The following PPFIA1 variants were observed in gnomAD, a reference collection of about 807,000 sequenced individuals.
PPFIA1 encodes PPFI scaffold protein A1.
In PPFIA1, 25 loss-of-function variants were observed where a neutral mutation model predicts 149.9. That is an observed-to-expected ratio of 0.17 (90% CI 0.12 to 0.23). PPFIA1 has a LOEUF of 0.23. Ranked by LOEUF, PPFIA1 falls within the 10% of genes least tolerant of loss-of-function variation. The pLI, the probability that PPFIA1 is intolerant of heterozygous loss-of-function variation, is 1.00. For missense variants in PPFIA1, 1,362 were observed against 1,506.5 expected (o/e 0.90, Z 1.59); for synonymous variants, 549 against 552.8 (o/e 0.99, Z 0.10).
chr11:70,283,963 A>G (rs1239164834), intron 2 of PPFIA1: 3 of 529,624 alleles, frequency 5.7e-6, no homozygotes, highest in Admixed American at 4.0e-5. Flanking sequence ...AGCTTTTCTC[A>G]AGTATTGCTG....
chr11:70,278,774 A>C, intron 2 of PPFIA1: 1 of 337,856 alleles, frequency 3.0e-6, no homozygotes, highest in Non-Finnish European at 5.8e-6. Context: ...AAGCTAATTA[A>C]ACTTCCAACT....
Position 70,330,293 on chromosome 11 carries a change from G to A in PPFIA1, c.1051G>A (p.Ala351Thr), listed in dbSNP as rs2054576144. 2 of 1,585,058 alleles carry A rather than the reference G, an allele frequency of 1.3e-6. No homozygotes were observed. Among genetic ancestry groups the A allele is most frequent in the African/African-American group, 2.7e-5 (2 of 73,348 alleles). Residue 351 changes from alanine to threonine, a missense_variant, in exon 8 of 28, where the codon GCA becomes ACA. Physicochemically the swap from Ala to Thr is moderately conservative, Grantham distance 58. Coordinates refer to ENST00000253925, the MANE Select transcript of PPFIA1 (RefSeq NM_003626.5). ...DLNDKLENEI[A>T]NKDSMHRQTE... ...CAATGATAAACTTGAAAATGAAATT[G>A]CAAATAAAGATTCTATGCATCGACA... is the stretch of plus-strand genomic sequence containing the variant.
chr11:70,285,795 T>C (rs2051072622), intron 2 of PPFIA1, among the ~76,000 whole-genome samples: 1 of 152,174 alleles, frequency 6.6e-6, no homozygotes, highest in African/African-American at 2.4e-5. Flanking sequence ...TACATAATGT[T>C]TATGTATATA....
At chr11:70,284,432 C>G (rs1430746652) in intron 2 of PPFIA1, among the ~76,000 whole-genome samples, 1 of 152,196 alleles carries the variant, frequency 6.6e-6, no homozygotes, top group African/African-American at 2.4e-5. Flanking sequence ...GAGACAGAGT[C>G]CTTCCTCCTA....
Position 70,354,372 on chromosome 11 carries a change from C to T in PPFIA1, c.2235C>T (p.Ser745=). The T allele has an allele frequency of 6.2e-7, 1 of 1,614,130 alleles. No individual in the cohort carries two copies. Among genetic ancestry groups the T allele is most frequent in the Non-Finnish European group, 8.5e-7 (1 of 1,180,022 alleles). The change falls in exon 17 of 28, where the codon TCC becomes TCT. Residue 745 remains serine (S), a synonymous_variant. Coordinates refer to ENST00000253925, the MANE Select transcript of PPFIA1 (RefSeq NM_003626.5). ...TIKCETSPPS[S]PRALRLDRLH... The stretch of plus-strand genomic sequence containing the variant: ...AGTGTGAAACCTCCCCGCCTTCCTC[C>T]CCGAGAGCCCTTCGGTTAGACCGGC...
chr11:70,290,957 C>T (rs2136207572), intron 2 of PPFIA1, among the ~76,000 whole-genome samples: 1 of 152,314 alleles, frequency 6.6e-6, no homozygotes, highest in African/African-American at 2.4e-5. Context: ...ACAATCTTGG[C>T]TTACTGCAAC....
chr11:70,325,684 C>T, intron 5 of PPFIA1, 110 bp downstream of exon 5: 2 of 834,750 alleles, frequency 2.4e-6, no homozygotes, highest in Non-Finnish European at 3.9e-6. Flanking sequence ...GTCATCCCAG[C>T]ACTTTGGGAG....
chr11:70,339,261 C>A lies in PPFIA1; in HGVS notation c.1662C>A (p.Arg554=). 6.2e-7 allele frequency: 1 copy of A among 1,614,130 alleles called. No individual in the cohort carries two copies. Among genetic ancestry groups the A allele is most frequent in the Non-Finnish European group, 8.5e-7 (1 of 1,179,968 alleles). The change falls in exon 14 of 28, where the codon CGC becomes CGA. Residue 554 remains arginine, a synonymous_variant. Transcript: ENST00000253925. ...DSYSTSAVLR[R]PQKGRLAALR... ...ACAGCACCAGTGCAGTGCTGCGGCG[C>A]CCACAGAAAGGCCGGCTGGCAGCCC...
chr11:70,346,577 A>G (rs1230368445), intron 15 of PPFIA1, among the ~76,000 whole-genome samples: 1 of 152,174 alleles, frequency 6.6e-6, no homozygotes, highest in East Asian at 1.9e-4. Context: ...GTTGCCAGGC[A>G]TGGGGGCCCT....
In PPFIA1 at chr11:70,320,809, G is replaced by T. The variant is rs370813838; in HGVS notation, c.265-3593G>T. On this transcript the variant is annotated intron_variant, in intron 2 of 27. Transcript: ENST00000253925. ...GCAATTCTCTGCTATACAGATTGGG[G>T]CTCTACTGGCAGTTGTGGTCCTAGG... Among the ~76,000 whole-genome samples, 12 of 152,258 alleles carry T rather than the reference G, an allele frequency of 7.9e-5. No homozygotes were observed. The South Asian group carries it at 2.5e-3, about 32-fold the overall frequency.
intron 18 of PPFIA1, 35 bp downstream of exon 18, chr11:70,355,846 G>A: frequency 6.3e-7 from 1 of 1,581,978 alleles, no homozygotes; most frequent in Non-Finnish European, 8.6e-7. Context: ...TCAGCACCCA[G>A]GGGTCGGGGA....
In PPFIA1 at chr11:70,372,223, C is replaced by T. The variant is rs1232544010; in HGVS notation, c.2874C>T (p.Ala958=). The T allele has an allele frequency of 1.2e-6, 2 of 1,612,782 alleles. No homozygotes were observed. The highest frequency in any genetic ancestry group is 2.7e-5 in the African/African-American group (2 of 74,856). The change falls in exon 22 of 28, where the codon GCC becomes GCT. Residue 958 remains alanine (A), a synonymous_variant. Coordinates refer to ENST00000253925, the MANE Select transcript of PPFIA1 (RefSeq NM_003626.5). ...CCATTTATGAAAAGCAGACACTCGC[C>T]TATGGGGACATGAACCACGAGTGGA... ...SAPPTSRTTL[A]YGDMNHEWIG...
intron 1 of PPFIA1, among the ~76,000 whole-genome samples, chr11:70,271,507 T>G (rs2135959159): frequency 6.7e-6 from 1 of 149,046 alleles, no homozygotes; most frequent in South Asian, 2.1e-4. Flanking sequence ...ACCTGCTATA[T>G]TTCCATTGTG....
intron 23 of PPFIA1, chr11:70,374,088 T>C (rs1320120213): frequency 6.6e-6 from 1 of 152,252 alleles, no homozygotes; most frequent in East Asian, 1.9e-4. Context: ...GCATAAGATA[T>C]TGTGGCTGGG....
Position 70,382,152 on chromosome 11 carries a change from C to A in PPFIA1, c.*6C>A. The A allele has an allele frequency of 6.2e-7, 1 of 1,613,104 alleles. No individual in the cohort carries two copies. The highest frequency in any genetic ancestry group is 1.1e-5 in the South Asian group (1 of 90,860). ...TCAGGACTTACTCCTGCTAAAGTCT[C>A]CTGTTGGTGAGTAGAGAGCACCACA... On this transcript the variant is annotated 3_prime_UTR_variant, in exon 27 of 28. Transcript: ENST00000253925.
intron 2 of PPFIA1, among the ~76,000 whole-genome samples, chr11:70,275,839 G>A (rs1314145779): frequency 6.6e-6 from 1 of 152,106 alleles, no homozygotes; most frequent in African/African-American, 2.4e-5. Flanking sequence ...TTTAAGAAAA[G>A]GGTACTCACT....
chr11:70,375,248 T>C, intron 24 of PPFIA1, 155 bp downstream of exon 24: 1 of 297,302 alleles, frequency 3.4e-6, no homozygotes, highest in Non-Finnish European at 5.7e-6. Flanking sequence ...TTTGGTCTAT[T>C]GGCTTTCCCT....
At chr11:70,346,827 A>G (rs2055731226) in intron 15 of PPFIA1, among the ~76,000 whole-genome samples, 1 of 152,224 alleles carries the variant, frequency 6.6e-6, no homozygotes, top group Admixed American at 6.5e-5. Context: ...TTAGAAATGT[A>G]AGTAGAACTT....
intron 16 of PPFIA1, among the ~76,000 whole-genome samples, chr11:70,352,121 A>C (rs913626605): frequency 1.3e-5 from 2 of 152,178 alleles, no homozygotes; most frequent in Non-Finnish European, 2.9e-5. Context: ...CTCTGACAAA[A>C]GTGTGGGACC....
Sources: allele counts gnomAD v4.1 joint callset (sites outside exome capture counted in the v4.1 genomes callset), GRCh38; gene constraint gnomAD v4.1.1; transcripts MANE v1.5; gene names NCBI Gene and HGNC (gene_info 2026-07-23, HGNC 2026-07-21).